PKD1: variants seen among roughly 807,000 people sequenced by gnomAD.
PKD1 encodes the protein polycystin 1, transient receptor potential channel interacting, also known as polycystin-1.
In PKD1, 81 loss-of-function variants were observed where a neutral mutation model predicts 361.7. That is an observed-to-expected ratio of 0.22 (90% CI 0.19 to 0.27). PKD1 has a LOEUF of 0.27. PKD1 is among the 10% of genes least tolerant of loss of function. The pLI, the probability that PKD1 is intolerant of heterozygous loss-of-function variation, is 1.00. For missense variants in PKD1, 6,399 were observed against 6,118.3 expected (o/e 1.05, Z -1.53); for synonymous variants, 3,615 against 2,818.3 (o/e 1.28, Z -8.95).
intron 34 of PKD1, chr16:2,095,503 G>A (rs1160481627): frequency 6.6e-6 from 1 of 152,270 alleles, no homozygotes; most frequent in African/African-American, 2.4e-5. Context: ...GCAGGCTCTC[G>A]CTGGCAGAGA....
Position 2,089,696 on chromosome 16 carries a change from C to A in PKD1, c.*31G>T. 1 of 1,555,908 alleles carries A rather than the reference C, an allele frequency of 6.4e-7. No individual in the cohort carries two copies. Among genetic ancestry groups the A allele is most frequent in the African/African-American group, 1.4e-5 (1 of 73,864 alleles). On this transcript the variant is annotated 3_prime_UTR_variant, in exon 46 of 46. Transcript: ENST00000262304. ...TAATACTGAGCGGTGTCCACTCCGACTCCACGGCCCACCCCCGCCAGGAAG... is the reference window on the plus strand; with the variant it reads ...TAATACTGAGCGGTGTCCACTCCGAATCCACGGCCCACCCCCGCCAGGAAG...
Position 2,114,527 on chromosome 16 carries a change from G to T in PKD1, c.2496C>A (p.Arg832=), listed in dbSNP as rs778810849. Residue 832 remains arginine, a synonymous_variant, in exon 11 of 46, where the codon CGC becomes CGA. Transcript: ENST00000262304. ...TGGTGGGCACGTAGAGGCGGCCGTC[G>T]CGGGGGGCAGGGTAGATGACCCGCA... ...AGLRVIYPAP[R]DGRLYVPTNG... The T allele has an allele frequency of 1.3e-6, 2 of 1,594,120 alleles. No individual in the cohort carries two copies. Among genetic ancestry groups the T allele is most frequent in the Non-Finnish European group, 1.7e-6 (2 of 1,178,836 alleles).
intron 1 of PKD1, among the ~76,000 whole-genome samples, chr16:2,128,675 G>A (rs1236384301): frequency 6.6e-6 from 1 of 152,174 alleles, no homozygotes; most frequent in Non-Finnish European, 1.5e-5. Context: ...AGCCCGGCGT[G>A]GCCACCGCGG....
chr16:2,090,647 G>C, intron 44 of PKD1, 27 bp downstream of exon 44: 1 of 1,610,314 alleles, frequency 6.2e-7, no homozygotes, highest in Non-Finnish European at 8.5e-7. Flanking sequence ...GAGCTAAGAC[G>C]CCCTCCCCGG....
chr16:2,089,856 G>A lies in PKD1; in HGVS notation c.12783C>T (p.Gly4261=). 3 of 1,608,584 alleles carry A rather than the reference G, an allele frequency of 1.9e-6. No homozygotes were observed. Among genetic ancestry groups the A allele is most frequent in the Non-Finnish European group, 2.5e-6 (3 of 1,178,350 alleles). ...SSRAPAGSSR[G]PSPGLRPALP... is the part of the protein sequence containing the mutation. ...GTGCTGGCCGCAGGCCCGGGGATGG[G>A]CCACGGGAAGATCCGGCGGGCGCCC... The change falls in exon 46 of 46, where the codon GGC becomes GGT. Residue 4261 remains glycine (G), a synonymous_variant. Transcript: ENST00000262304.
In PKD1 at chr16:2,100,069, C is replaced by G. The variant is rs774484157; in HGVS notation, c.9715G>C (p.Asp3239His). ...LVEKEVLAAS[D>H]AALLRFRRLL... ...CGCCGGAAGCGCAAAAGGGCTGCGT[C>G]GCCTAGAAGGCAGGGAGGGCCGCAC... The change falls in exon 29 of 46, where the codon GAC (aspartate) becomes CAC (histidine). Residue 3239 changes from aspartate (D) to histidine (H), a missense_variant and splice_region_variant. Asp to His is a moderately conservative substitution (Grantham distance 81). Coordinates refer to ENST00000262304, the MANE Select transcript of PKD1 (RefSeq NM_001009944.3). This position sits in a 1 kb window ranked among gnomAD's most constrained non-coding sequence, Gnocchi z 4.4. The G allele has an allele frequency of 1.9e-6, 3 of 1,600,790 alleles. No individual in the cohort carries two copies. Among genetic ancestry groups the G allele is most frequent in the African/African-American group, 2.7e-5 (2 of 74,650 alleles).
In PKD1 at chr16:2,097,860, G is replaced by A. The variant is rs2091909923; in HGVS notation, c.10167+8C>T. On this transcript the variant is annotated splice_region_variant and intron_variant, in intron 31 of 45. Transcript: ENST00000262304. Reference sequence around the variant, plus strand: ...AGCCCAGCCCAGGACCCCCAGTAGAGTCCTCACCTCAGCGTGGAGGCCTGA... The same window carrying A: ...AGCCCAGCCCAGGACCCCCAGTAGAATCCTCACCTCAGCGTGGAGGCCTGA... The A allele has an allele frequency of 2.5e-6, 4 of 1,607,020 alleles. No homozygotes were observed. The highest frequency in any genetic ancestry group is 1.3e-5 in the African/African-American group (1 of 74,782).
In PKD1 at chr16:2,108,537, G is replaced by T. The variant is rs375411943; in HGVS notation, c.6630C>A (p.Asp2210Glu). 3 of 1,607,406 alleles carry T rather than the reference G, an allele frequency of 1.9e-6. No individual in the cohort carries two copies. Among genetic ancestry groups the T allele is most frequent in the Non-Finnish European group, 1.7e-6 (2 of 1,178,186 alleles). Reference sequence around the variant, plus strand: ...GCAGCACCAGCCGAGGCCGGCTCACGTCCACGCCGGGCAGGGCCACACGCG... The same window carrying T: ...GCAGCACCAGCCGAGGCCGGCTCACTTCCACGCCGGGCAGGGCCACACGCG... The part of the protein sequence containing the change: ...RPARVALPGV[D>E]VSRPRLVLPR... Residue 2210 changes from aspartate (D) to glutamate (E), a missense_variant, in exon 15 of 46, where the codon GAC becomes GAA. Coordinates refer to ENST00000262304, the MANE Select transcript of PKD1 (RefSeq NM_001009944.3).
chr16:2,108,066 A>G (rs1168806517), intron 15 of PKD1, 34 bp from the exon 16 acceptor site: 10 of 1,586,424 alleles, frequency 6.3e-6, no homozygotes, highest in South Asian at 1.1e-5. Flanking sequence ...ACGTGGCCTG[A>G]GAGCCCCATC....
rs547194096 is a variant in PKD1 at position 2,109,528 on chromosome 16, T to G, written c.5639A>C (p.Asn1880Thr). Residue 1880 changes from asparagine to threonine, a missense_variant, in exon 15 of 46, where the codon AAC becomes ACC. By Grantham distance (65) the Asn-to-Thr change is moderately conservative. Coordinates refer to ENST00000262304, the MANE Select transcript of PKD1 (RefSeq NM_001009944.3). ...NAVSWVSATY[N>T]LTAEEPIVGL... ...CACGATGGGCTCCTCCGCCGTGAGGTTGTACGTGGCTGAGACCCAGCTGAC... is the reference window on the plus strand; with the variant it reads ...CACGATGGGCTCCTCCGCCGTGAGGGTGTACGTGGCTGAGACCCAGCTGAC... 1.2e-6 allele frequency: 2 copies of G among 1,610,974 alleles called. No individual in the cohort carries two copies. The highest frequency in any genetic ancestry group is 2.2e-5 in the South Asian group (2 of 90,842).
At position 2,106,190 on chromosome 16, in the gene PKD1, T is replaced by C; in HGVS notation, c.7604A>G (p.Tyr2535Cys). The C allele has an allele frequency of 6.2e-7, 1 of 1,610,046 alleles. No individual in the cohort carries two copies. Residue 2535 changes from tyrosine (Y) to cysteine (C), a missense_variant, in exon 19 of 46, where the codon TAC becomes TGC. Coordinates refer to ENST00000262304, the MANE Select transcript of PKD1 (RefSeq NM_001009944.3). The surrounding 1 kb of genome is among the most constrained non-coding windows in gnomAD (Gnocchi z 6.5). ...GAAACCCGGGGGCAGCACGGCTCCGTAGCTGGAGAGGCTGCCCTTGTAGAC... is the reference window on the plus strand; with the variant it reads ...GAAACCCGGGGGCAGCACGGCTCCGCAGCTGGAGAGGCTGCCCTTGTAGAC... ...FCVYKGSLSS[Y>C]GAVLPPGFRP...
chr16:2,101,814 G>C (rs1487515182), intron 26 of PKD1: 3 of 600,636 alleles, frequency 5.0e-6, no homozygotes, highest in Non-Finnish European at 9.0e-6. Context: ...GTGGGGCCAC[G>C]CTACTGTGCA....
intron 40 of PKD1, 50 bp from the exon 41 acceptor site, chr16:2,091,956 C>G: frequency 6.2e-7 from 1 of 1,611,854 alleles, no homozygotes; most frequent in Non-Finnish European, 8.5e-7. Context: ...TTCCGGCACC[C>G]CGGAGCCAGG....
rs2091708030 is a variant in PKD1 at position 2,093,645 on chromosome 16, C to G, written c.10915G>C (p.Val3639Leu). Residue 3639 changes from valine to leucine, a missense_variant, in exon 37 of 46, where the codon GTG becomes CTG. Coordinates refer to ENST00000262304, the MANE Select transcript of PKD1 (RefSeq NM_001009944.3). ...TLVESPAVTPVSARVPRVRPP... is the reference protein window; with the variant it reads ...TLVESPAVTPLSARVPRVRPP... Reference sequence around the variant, plus strand: ...CGTACGCGGGGCACACGTGCGCTCACAGGCGTCACAGCCGGGCTCTCTACC... The same window carrying G: ...CGTACGCGGGGCACACGTGCGCTCAGAGGCGTCACAGCCGGGCTCTCTACC... The G allele has an allele frequency of 1.2e-6, 2 of 1,608,858 alleles. No individual in the cohort carries two copies. The highest frequency in any genetic ancestry group is 1.7e-6 in the Non-Finnish European group (2 of 1,178,112).
rs752991139 is a variant in PKD1, at chr16:2,110,982, C to T, written c.4185G>A (p.Gly1395=). The T allele has an allele frequency of 6.2e-7, 1 of 1,610,548 alleles. No individual in the cohort carries two copies. Among genetic ancestry groups the T allele is most frequent in the Admixed American group, 1.7e-5 (1 of 60,018 alleles). Residue 1395 remains glycine (G), a synonymous_variant, in exon 15 of 46, where the codon GGG becomes GGA. Coordinates refer to ENST00000262304, the MANE Select transcript of PKD1 (RefSeq NM_001009944.3). ...LQPERQFVQL[G]DEAWLVACAW... is the part of the protein sequence containing the mutation. The stretch of plus-strand genomic sequence containing the variant: ...CACATGCCACCAGCCAGGCCTCGTC[C>T]CCGAGCTGCACAAACTGCCTCTCTG...
At chr16:2,096,773 T>TC in intron 34 of PKD1, 1 of 251,158 alleles carries the variant, frequency 4.0e-6, no homozygotes, top group East Asian at 1.0e-4. Flanking sequence ...CACCTCGGCC[T>TC]CCCAAAGTGC....
chr16:2,107,101 T>C, intron 16 of PKD1, 153 bp from the exon 17 acceptor site: 1 of 737,928 alleles, frequency 1.4e-6, no homozygotes, highest in Non-Finnish European at 2.4e-6. Flanking sequence ...ACTCATCCGG[T>C]TTGCCACCTT....
At position 2,108,908 on chromosome 16, in the gene PKD1, G is replaced by T; in HGVS notation, c.6259C>A (p.Pro2087Thr). The T allele has an allele frequency of 6.3e-7, 1 of 1,586,114 alleles. No homozygotes were observed. The highest frequency in any genetic ancestry group is 8.6e-7 in the Non-Finnish European group (1 of 1,167,926). ...AQFEAATSPS[P>T]RRVAYHWDFG... The stretch of plus-strand genomic sequence containing the variant: ...TCCCAGTGGTAGGCCACACGCCGGG[G>T]GCTGGGGCTGGTGGCGGCCTCAAAC... The change falls in exon 15 of 46, where the codon CCC (proline) becomes ACC (threonine). Residue 2087 changes from proline to threonine, a missense_variant. Coordinates refer to ENST00000262304, the MANE Select transcript of PKD1 (RefSeq NM_001009944.3).
chr16:2,106,255 C>T lies in PKD1; in HGVS notation c.7539G>A (p.Leu2513=), dbSNP rs373330256. The T allele has an allele frequency of 5.0e-6, 8 of 1,610,268 alleles. No homozygotes were observed. The Admixed American group carries it at 5.0e-5, about 10-fold the overall frequency. Residue 2513 remains leucine, a synonymous_variant, in exon 19 of 46, where the codon CTG becomes CTA. Coordinates refer to ENST00000262304, the MANE Select transcript of PKD1 (RefSeq NM_001009944.3). This position sits in a 1 kb window ranked among gnomAD's most constrained non-coding sequence, Gnocchi z 6.5. ...DAGAPLVYAL[L]LRRCRQGHCE... ...AGTGGCCCTGGCGACAGCGCCGCAG[C>T]AGCAGGGCGTACACCAGCGGGGCGC...
Sources: gnomAD v4.1 joint callset for allele counts (sites outside exome capture counted in the v4.1 genomes callset) on GRCh38, gnomAD v4.1.1 for gene constraint, Gnocchi (gnomAD v3.1) non-coding constraint, MANE v1.5 for transcripts, NCBI Gene and HGNC (gene_info 2026-07-23, HGNC 2026-07-21) for gene names.